The following PCDH15 variants were observed in gnomAD, a reference collection of about 807,000 sequenced individuals.
PCDH15 encodes protocadherin related 15.
A neutral mutation model predicts 178.5 loss-of-function variants in PCDH15; 129 were observed. The observed-to-expected ratio is 0.72, with a 90% CI of 0.63 to 0.84. PCDH15 has a LOEUF of 0.84. Ranked by LOEUF, PCDH15 falls within the 40% of genes least tolerant of loss-of-function variation. The pLI is 0.00. For synonymous variants in PCDH15, 800 were observed against 732.0 expected, an observed-to-expected ratio of 1.09 and a Z score of -1.50; for missense variants, 2,230 against 2,099.9, an observed-to-expected ratio of 1.06 and a Z score of -1.21.
intron 26 of PCDH15, among the ~76,000 whole-genome samples, chr10:53,899,398 C>A (rs912022386): frequency 6.6e-6 from 1 of 152,108 alleles, no homozygotes; most frequent in East Asian, 1.9e-4. Flanking sequence ...TTACCTGTAG[C>A]ATATTTTAAA....
chr10:55,203,284 A>T (rs1444398699), intron 1 of PCDH15, among the ~76,000 whole-genome samples: 2 of 152,122 alleles, frequency 1.3e-5, no homozygotes, highest in African/African-American at 4.8e-5. Context: ...CCTTAAGGAT[A>T]GTAGCTGATT....
At chr10:54,839,409 G>T (rs1232195094) in intron 3 of PCDH15, among the ~76,000 whole-genome samples, 1 of 152,020 alleles carries the variant, frequency 6.6e-6, no homozygotes, top group African/African-American at 2.4e-5. Context: ...ATCTCAAATA[G>T]ATTTTATTAT....
At position 53,962,665 on chromosome 10, in the gene PCDH15, G is replaced by A. The variant is rs531352002; in HGVS notation, c.2869-773C>T. The stretch of plus-strand genomic sequence containing the variant: ...CTAAGGAACTTGTGGCTTACAATAA[G>A]TTAAAGAGTGCTGAAATATTCCAGA... On this transcript the variant is annotated intron_variant, in intron 21 of 37. Coordinates refer to ENST00000644397, the MANE Select transcript of PCDH15 (RefSeq NM_001384140.1). Among the ~76,000 whole-genome samples the A allele has an allele frequency of 4.6e-5, 7 of 152,258 alleles. No homozygotes were observed. The South Asian group carries it at 1.5e-3, about 32-fold the overall frequency.
chr10:55,210,838 G>A (rs931723575), intron 1 of PCDH15, among the ~76,000 whole-genome samples: 34 of 151,126 alleles, frequency 2.2e-4, no homozygotes, highest in Non-Finnish European at 4.6e-4. Context: ...CATGTTGGCC[G>A]GATGGTCTTG....
intron 2 of PCDH15, among the ~76,000 whole-genome samples, chr10:54,963,888 A>C (rs1018494134): frequency 6.6e-6 from 1 of 152,224 alleles, no homozygotes; most frequent in Admixed American, 6.5e-5. Context: ...GCCAGGGAAG[A>C]AATCTTTACT....
chr10:53,807,153 G>A (rs1335740553), intron 37 of PCDH15, 23 bp from the exon 38 acceptor site: 1 of 1,536,018 alleles, frequency 6.5e-7, no homozygotes, highest in Non-Finnish European at 8.8e-7. Context: ...ACAAAAATAT[G>A]TGAGTCACTA....
At chr10:54,615,066 A>G (rs1391586620) in intron 2 of PCDH15, among the ~76,000 whole-genome samples, 1 of 152,062 alleles carries the variant, frequency 6.6e-6, no homozygotes, top group Non-Finnish European at 1.5e-5. Flanking sequence ...TGTTGTCTAA[A>G]TGTTCATCAT....
intron 5 of PCDH15, among the ~76,000 whole-genome samples, chr10:54,351,478 G>A (rs891093366): frequency 1.3e-5 from 2 of 151,894 alleles, no homozygotes; most frequent in African/African-American, 4.8e-5. Flanking sequence ...TGTAGAAACT[G>A]GTTCATCAGT....
chr10:53,957,115 C>G (rs1312130075), intron 23 of PCDH15, among the ~76,000 whole-genome samples: 1 of 152,124 alleles, frequency 6.6e-6, no homozygotes, highest in East Asian at 1.9e-4. Flanking sequence ...CCTAGAGAAA[C>G]AGTACACCAC....
chr10:55,184,146 G>C (rs953883352), intron 1 of PCDH15, among the ~76,000 whole-genome samples: 6 of 152,028 alleles, frequency 3.9e-5, no homozygotes, highest in African/African-American at 1.4e-4. Context: ...GTCTCAACTT[G>C]GCCCTCCAGC....
At chr10:54,782,394 GA>G (rs1164078219) in intron 1 of PCDH15, among the ~76,000 whole-genome samples, 4 of 152,076 alleles carry the variant, frequency 2.6e-5, no homozygotes, top group Admixed American at 6.6e-5. Flanking sequence ...GAAATGCTCA[GA>G]AATATAAACT....
At chr10:55,385,722 T>TATATATATATATGC (rs1554860569) in intron 2 of PCDH15, among the ~76,000 whole-genome samples, 24 of 143,322 alleles carry the variant, frequency 1.7e-4, no homozygotes, top group African/African-American at 6.3e-4. Flanking sequence ...TATATATGCA[T>TATATATATATATGC]ATATATATAC....
At chr10:54,418,613 ATTT>A (rs1565221523) in intron 3 of PCDH15, among the ~76,000 whole-genome samples, 4 of 152,024 alleles carry the variant, frequency 2.6e-5, no homozygotes, top group East Asian at 1.9e-4. Context: ...TAACTTTATT[ATTT>A]ATCATTTTGT....
intron 9 of PCDH15, among the ~76,000 whole-genome samples, chr10:54,222,552 A>G (rs1167807577): frequency 1.3e-5 from 2 of 152,322 alleles, no homozygotes; most frequent in Non-Finnish European, 2.9e-5. Flanking sequence ...CTTTTAAAGA[A>G]ATTGCCAAAT....
At chr10:54,378,079 A>T (rs1948711383) in intron 4 of PCDH15, among the ~76,000 whole-genome samples, 1 of 151,788 alleles carries the variant, frequency 6.6e-6, no homozygotes, top group Admixed American at 6.6e-5. Context: ...ACGTGTTACC[A>T]TGCCTGCCTA....
intron 1 of PCDH15, among the ~76,000 whole-genome samples, chr10:54,695,205 T>G (rs905880694): frequency 2.6e-5 from 4 of 152,122 alleles, no homozygotes; most frequent in African/African-American, 7.2e-5. Context: ...CCCTAAAACT[T>G]AAAGTATAAA....
intron 2 of PCDH15, among the ~76,000 whole-genome samples, chr10:54,649,957 C>T (rs182121397): frequency 1.3e-5 from 2 of 152,086 alleles, no homozygotes; most frequent in Non-Finnish European, 2.9e-5. Context: ...TTATTCAATG[C>T]TTATTTATTT....
intron 1 of PCDH15, among the ~76,000 whole-genome samples, chr10:54,753,438 C>A (rs965929289): frequency 3.9e-5 from 6 of 152,094 alleles, no homozygotes; most frequent in Non-Finnish European, 8.8e-5. Context: ...TCCACCTCGG[C>A]CTCTAAAGGG....
intron 26 of PCDH15, among the ~76,000 whole-genome samples, chr10:53,875,389 T>C (rs1344679468): frequency 6.6e-6 from 1 of 151,966 alleles, no homozygotes; most frequent in Non-Finnish European, 1.5e-5. Flanking sequence ...AGGAGATGTC[T>C]AACAAGTTGG....
Sources: gnomAD v4.1 joint callset for allele counts (sites outside exome capture counted in the v4.1 genomes callset) on GRCh38, gnomAD v4.1.1 for gene constraint, MANE v1.5 for transcripts, NCBI Gene and HGNC (gene_info 2026-07-23, HGNC 2026-07-21) for gene names.